CTNNA2: variants seen among roughly 807,000 people sequenced by gnomAD.
CTNNA2 encodes catenin alpha 2, also known as catenin alpha-2.
Under a neutral mutation model 101.0 loss-of-function variants are expected in CTNNA2, and 42 were observed. The ratio of observed to expected loss-of-function variants is 0.42; its 90% CI spans 0.32 to 0.54. CTNNA2 has a LOEUF of 0.54. Ranked by LOEUF, CTNNA2 falls within the 20% of genes least tolerant of loss-of-function variation. The pLI, the probability that CTNNA2 is intolerant of heterozygous loss-of-function variation, is 0.14. For synonymous variants in CTNNA2, 450 were observed against 456.4 expected (o/e 0.99, Z 0.18); for missense variants, 871 against 1,223.1 (o/e 0.71, Z 4.29).
chr2:80,323,940 CATA>C (rs1430547604), intron 7 of CTNNA2, among the ~76,000 whole-genome samples: 1 of 152,108 alleles, frequency 6.6e-6, no homozygotes, highest in Non-Finnish European at 1.5e-5. Flanking sequence ...TTTCAGTTTT[CATA>C]ATGTTTAATG....
rs79610883 is a variant in CTNNA2 at position 80,519,087 on chromosome 2, G to A, written c.1291-25895G>A. On this transcript the variant is annotated intron_variant, in intron 9 of 18. Coordinates refer to ENST00000402739, the MANE Select transcript of CTNNA2 (RefSeq NM_001282597.3). ...AACACCTGGAGCTTGATTTGATAAGGGAATACAAGAATAAACACCTCTCTT... is the reference window on the plus strand; with the variant it reads ...AACACCTGGAGCTTGATTTGATAAGAGAATACAAGAATAAACACCTCTCTT... Among the ~76,000 whole-genome samples, 1,344 of 152,150 alleles carry A rather than the reference G, an allele frequency of 8.8e-3. 18 individuals carry two copies. Among genetic ancestry groups the A allele is most frequent in the African/African-American group, 0.03 (1,252 of 41,498 alleles).
chr2:80,224,373 A>T (rs1475320564), intron 7 of CTNNA2, among the ~76,000 whole-genome samples: 1 of 152,202 alleles, frequency 6.6e-6, no homozygotes, highest in Admixed American at 6.5e-5. Flanking sequence ...CATGGCTTGT[A>T]TCTCTTTGCC....
intron 7 of CTNNA2, among the ~76,000 whole-genome samples, chr2:80,125,161 A>T (rs1558831387): frequency 1.3e-5 from 2 of 152,148 alleles, no homozygotes; most frequent in African/African-American, 4.8e-5. Context: ...TTAGAATTTT[A>T]TATCTGGTGT....
At chr2:79,362,522 A>G (rs2104448163) in intron 3 of CTNNA2, among the ~76,000 whole-genome samples, 1 of 152,302 alleles carries the variant, frequency 6.6e-6, no homozygotes, top group East Asian at 1.9e-4. Context: ...TTCTAGATTC[A>G]TCTAGAAACT....
intron 7 of CTNNA2, among the ~76,000 whole-genome samples, chr2:80,271,060 G>A (rs969846235): frequency 2.6e-5 from 4 of 152,166 alleles, no homozygotes; most frequent in Non-Finnish European, 4.4e-5. Flanking sequence ...TCCCAATCCT[G>A]TAATGTGAGA....
intron 3 of CTNNA2, among the ~76,000 whole-genome samples, chr2:79,822,565 T>A (rs1678094552): frequency 1.3e-5 from 2 of 152,160 alleles, no homozygotes; most frequent in African/African-American, 4.8e-5. Context: ...ATTTCTAGTC[T>A]GCACCAAGTC....
At chr2:80,611,942 T>C (rs1698498935) in intron 17 of CTNNA2, among the ~76,000 whole-genome samples, 1 of 151,570 alleles carries the variant, frequency 6.6e-6, no homozygotes, top group Non-Finnish European at 1.5e-5. Context: ...TGGTACAAAT[T>C]TTAATAGATT....
chr2:80,153,866 T>C (rs750173660), intron 7 of CTNNA2, among the ~76,000 whole-genome samples: 19 of 152,200 alleles, frequency 1.2e-4, no homozygotes, highest in Admixed American at 2.0e-4. Flanking sequence ...AATTACATGG[T>C]TCTCCCTGAA....
intron 7 of CTNNA2, among the ~76,000 whole-genome samples, chr2:80,170,205 C>CTCTG (rs761197528): frequency 1.1e-4 from 17 of 148,892 alleles, no homozygotes; most frequent in Non-Finnish European, 2.1e-4. Context: ...CTCTCTCTCT[C>CTCTG]TCTATCTCTC....
At chr2:80,433,157 A>G (rs1198571304) in intron 9 of CTNNA2, among the ~76,000 whole-genome samples, 2 of 152,162 alleles carry the variant, frequency 1.3e-5, no homozygotes, top group African/African-American at 2.4e-5. Flanking sequence ...GACTTCAAGT[A>G]TCTCTGTTAC....
At chr2:80,454,859 T>C (rs2149462367) in intron 9 of CTNNA2, among the ~76,000 whole-genome samples, 1 of 152,340 alleles carries the variant, frequency 6.6e-6, no homozygotes, top group Admixed American at 6.5e-5. Flanking sequence ...GGGCAGTCAG[T>C]GCTTCCCTCT....
chr2:80,205,490 A>AT (rs1707476779), intron 7 of CTNNA2, among the ~76,000 whole-genome samples: 2 of 152,242 alleles, frequency 1.3e-5, no homozygotes, highest in African/African-American at 4.8e-5. Context: ...AAGGAAATTC[A>AT]TTTCAGAAGG....
In CTNNA2 at chr2:80,127,295, G is replaced by C. The variant is rs117107460; in HGVS notation, c.1056+217498G>C. ...ATTGTTAAATTTTAGCTGCATATATGTTTGTTATTCCCTATACACCTTAGC... is the reference window on the plus strand; with the variant it reads ...ATTGTTAAATTTTAGCTGCATATATCTTTGTTATTCCCTATACACCTTAGC... On this transcript the variant is annotated intron_variant, in intron 7 of 18. Transcript: ENST00000402739. Among the ~76,000 whole-genome samples, 111 of 152,252 alleles carry C rather than the reference G, an allele frequency of 7.3e-4. No individual in the cohort carries two copies. The East Asian group carries it at 0.021, about 29-fold the overall frequency.
intron 3 of CTNNA2, among the ~76,000 whole-genome samples, chr2:79,831,974 A>G (rs1054453140): frequency 3.3e-5 from 5 of 152,168 alleles, no homozygotes; most frequent in Admixed American, 2.6e-4. Context: ...CTTCTCAGGC[A>G]TATGAAACCA....
At chr2:80,075,044 T>G (rs149813299) in intron 7 of CTNNA2, among the ~76,000 whole-genome samples, 1 of 151,976 alleles carries the variant, frequency 6.6e-6, no homozygotes, top group Admixed American at 6.6e-5. Context: ...TCCCTTACTG[T>G]TTTTTTTCTT....
At chr2:80,075,504 G>T (rs866258726) in intron 7 of CTNNA2, among the ~76,000 whole-genome samples, 18 of 148,422 alleles carry the variant, frequency 1.2e-4, no homozygotes, top group African/African-American at 4.0e-4. Flanking sequence ...TTAGGAAAAT[G>T]CATAGCACAT....
chr2:79,541,943 A>G (rs981090148), intron 1 of CTNNA2, among the ~76,000 whole-genome samples: 2 of 152,028 alleles, frequency 1.3e-5, no homozygotes, highest in South Asian at 4.1e-4. Context: ...CATAATTTTT[A>G]TGGAATGTGT....
chr2:79,988,404 A>C (rs1691918602), intron 7 of CTNNA2, among the ~76,000 whole-genome samples: 1 of 152,108 alleles, frequency 6.6e-6, no homozygotes, highest in Non-Finnish European at 1.5e-5. Context: ...TGGCCACATC[A>C]GAAAAAAGAA....
At chr2:79,674,335 G>C (rs1683047836) in intron 2 of CTNNA2, among the ~76,000 whole-genome samples, 4 of 152,176 alleles carry the variant, frequency 2.6e-5, no homozygotes, top group Admixed American at 2.6e-4. Flanking sequence ...AGGATAAACA[G>C]ACTGTGTTAC....
Sources: gnomAD v4.1 joint callset for allele counts (sites outside exome capture counted in the v4.1 genomes callset) on GRCh38, gnomAD v4.1.1 for gene constraint, MANE v1.5 for transcripts, NCBI Gene and HGNC (gene_info 2026-07-23, HGNC 2026-07-21) for gene names.